Variants in KIF6 observed in about 807,000 individuals in gnomAD.
KIF6 encodes kinesin-like protein KIF6.
Under a neutral mutation model 112.7 loss-of-function variants are expected in KIF6, and 106 were observed. That is an observed-to-expected ratio of 0.94 (90% CI 0.80 to 1.11). The LOEUF (loss-of-function observed/expected upper bound fraction) is 1.11. Among genes scored for constraint, KIF6 ranks in the 50% least tolerant of loss-of-function variants. KIF6 has a pLI of 0.00. For missense variants in KIF6, 929 were observed against 964.0 expected (o/e 0.96, Z 0.48); for synonymous variants, 339 against 339.9 (o/e 1.00, Z 0.03).
At chr6:39,528,824 T>A (rs560080612) in intron 13 of KIF6, among the ~76,000 whole-genome samples, 1 of 152,354 alleles carries the variant, frequency 6.6e-6, no homozygotes, top group African/African-American at 2.4e-5. Flanking sequence ...TTCAATGTAT[T>A]CCCTATCAGA....
intron 22 of KIF6, among the ~76,000 whole-genome samples, chr6:39,340,027 G>A (rs1395296816): frequency 2.0e-5 from 3 of 152,188 alleles, no homozygotes; most frequent in Non-Finnish European, 2.9e-5. Flanking sequence ...CCTGGGCCCC[G>A]GCCTGTGTGT....
At chr6:39,357,908 A>G (rs924139799) in intron 18 of KIF6, among the ~76,000 whole-genome samples, 3 of 152,246 alleles carry the variant, frequency 2.0e-5, no homozygotes, top group Admixed American at 6.5e-5. Flanking sequence ...TTTATTCTTT[A>G]TGCTTTCCTG....
chr6:39,417,038 T>C (rs1769967660), intron 15 of KIF6, among the ~76,000 whole-genome samples: 1 of 152,176 alleles, frequency 6.6e-6, no homozygotes, highest in Non-Finnish European at 1.5e-5. Context: ...GAAGGACTCC[T>C]TGGGGACTGC....
At chr6:39,551,494 T>C (rs948313405) in intron 10 of KIF6, among the ~76,000 whole-genome samples, 1 of 152,116 alleles carries the variant, frequency 6.6e-6, no homozygotes, top group African/African-American at 2.4e-5. Context: ...AAGAGTGGAA[T>C]TGGAATGTTC....
intron 13 of KIF6, among the ~76,000 whole-genome samples, chr6:39,478,931 C>A (rs775244872): frequency 2.0e-5 from 3 of 151,792 alleles, no homozygotes; most frequent in African/African-American, 7.3e-5. Flanking sequence ...ATGTCCTTAG[C>A]CTACTTTTTG....
intron 13 of KIF6, among the ~76,000 whole-genome samples, chr6:39,504,273 C>T (rs770195689): frequency 4.6e-5 from 7 of 152,178 alleles, no homozygotes; most frequent in East Asian, 3.9e-4. Context: ...TTATCTCAAT[C>T]GAAGCAGAAA....
In KIF6 at chr6:39,528,054, A is replaced by G. The variant is rs147995335; in HGVS notation, c.1645+11949T>C. Among the ~76,000 whole-genome samples, 12 of 152,282 alleles carry G rather than the reference A, an allele frequency of 7.9e-5. No individual in the cohort carries two copies. The East Asian group carries it at 2.3e-3, about 29-fold the overall frequency. ...TTCATTATGCAGTACAATATATCTC[A>G]AAGTAAAAGACAACACTTCTCCCAT... On this transcript the variant is annotated intron_variant, in intron 13 of 22. Coordinates refer to ENST00000287152, the MANE Select transcript of KIF6 (RefSeq NM_145027.6).
intron 13 of KIF6, among the ~76,000 whole-genome samples, chr6:39,522,474 C>T (rs1178735972): frequency 6.6e-6 from 1 of 152,212 alleles, no homozygotes; most frequent in East Asian, 1.9e-4. Flanking sequence ...TTTAACAACT[C>T]TAGCCTCAAA....
chr6:39,588,717 G>A (rs1781771781), intron 7 of KIF6, among the ~76,000 whole-genome samples: 1 of 151,914 alleles, frequency 6.6e-6, no homozygotes, highest in Non-Finnish European at 1.5e-5. Context: ...ACATCAACCC[G>A]GTTGCTCAAG....
intron 1 of KIF6, among the ~76,000 whole-genome samples, chr6:39,723,055 T>A (rs1399938756): frequency 2.0e-5 from 3 of 152,234 alleles, no homozygotes. Context: ...TGAGCCCATG[T>A]AGATAAGCTC....
rs2113920406 is a variant in KIF6 at position 39,725,187 on chromosome 6, C to T, written c.66+58G>A. On this transcript the variant is annotated intron_variant, in intron 1 of 22. Transcript: ENST00000287152. ...CGCCCAGCCCCTTCGCGTGCCGCCGCCCGACCCCAGCCCAAGAGGCCCCGC... is the reference window on the plus strand; with the variant it reads ...CGCCCAGCCCCTTCGCGTGCCGCCGTCCGACCCCAGCCCAAGAGGCCCCGC... 4 of 1,492,124 alleles carry T rather than the reference C, an allele frequency of 2.7e-6. No homozygotes were observed. In the South Asian group the frequency reaches 4.6e-5, roughly 17 times the overall value. The allele number at this position is 1,492,124 out of a possible 1,614,324, so 92.4% of individuals were successfully genotyped here.
intron 13 of KIF6, among the ~76,000 whole-genome samples, chr6:39,465,468 C>G (rs1773729605): frequency 6.6e-6 from 1 of 152,198 alleles, no homozygotes. Context: ...TTCCTCTCAT[C>G]TGGACCTCGC....
chr6:39,433,637 T>C (rs1044073965), intron 13 of KIF6, among the ~76,000 whole-genome samples: 3 of 152,188 alleles, frequency 2.0e-5, no homozygotes, highest in Non-Finnish European at 2.9e-5. Context: ...ATCAGAATGA[T>C]GGCTATTATC....
chr6:39,501,640 G>A (rs1258786278), intron 13 of KIF6, among the ~76,000 whole-genome samples: 1 of 152,158 alleles, frequency 6.6e-6, no homozygotes, highest in African/African-American at 2.4e-5. Context: ...GAGCATAACC[G>A]ACCTGTAAGA....
At chr6:39,641,861 C>T (rs911573241) in intron 3 of KIF6, among the ~76,000 whole-genome samples, 1 of 152,080 alleles carries the variant, frequency 6.6e-6, no homozygotes, top group African/African-American at 2.4e-5. Context: ...ATATGTGCTC[C>T]CCCTACCCCC....
At chr6:39,443,505 G>A (rs750774871) in intron 13 of KIF6, among the ~76,000 whole-genome samples, 2 of 152,016 alleles carry the variant, frequency 1.3e-5, no homozygotes, top group Non-Finnish European at 2.9e-5. Context: ...GTAGAGTGGT[G>A]CAATCTTGGC....
intron 14 of KIF6, 74 bp from the exon 15 acceptor site, chr6:39,420,077 T>C (rs1471614968): frequency 2.0e-6 from 2 of 1,010,514 alleles, no homozygotes; most frequent in Non-Finnish European, 3.1e-6. Flanking sequence ...ATAGATTTCT[T>C]AGAGGTCACT....
chr6:39,538,597 G>A (rs1231083556), intron 13 of KIF6, among the ~76,000 whole-genome samples: 3 of 151,082 alleles, frequency 2.0e-5, no homozygotes, highest in African/African-American at 7.3e-5. Flanking sequence ...GGAGAAATAG[G>A]AACACTTTTA....
intron 13 of KIF6, among the ~76,000 whole-genome samples, chr6:39,463,250 T>C (rs1054000848): frequency 1.3e-5 from 2 of 152,190 alleles, no homozygotes; most frequent in Middle Eastern, 3.2e-3. Flanking sequence ...TTTATCTCAC[T>C]TCCACAGTGT....
Sources: gnomAD v4.1 joint callset for allele counts (sites outside exome capture counted in the v4.1 genomes callset) on GRCh38, gnomAD v4.1.1 for gene constraint, MANE v1.5 for transcripts, NCBI Gene and HGNC (gene_info 2026-07-23, HGNC 2026-07-21) for gene names.